PXDNL: variants seen among roughly 807,000 people sequenced by gnomAD.
The protein encoded by PXDNL is peroxidasin like, also known as probable oxidoreductase PXDNL.
A neutral mutation model predicts 150.8 loss-of-function variants in PXDNL; 145 were observed. The ratio of observed to expected loss-of-function variants is 0.96; its 90% CI spans 0.84 to 1.10. The LOEUF (loss-of-function observed/expected upper bound fraction) is 1.10, where lower values mean the gene tolerates loss of function less well. PXDNL is among the 50% of genes least tolerant of loss of function. PXDNL has a pLI of 0.00. For synonymous variants in PXDNL, 757 were observed against 725.7 expected (o/e 1.04, Z -0.69); for missense variants, 2,087 against 1,873.9 (o/e 1.11, Z -2.10).
intron 19 of PXDNL, among the ~76,000 whole-genome samples, chr8:51,362,405 C>G (rs894686499): frequency 3.3e-5 from 5 of 152,196 alleles, no homozygotes; most frequent in African/African-American, 1.2e-4. Flanking sequence ...AACTGGCTAT[C>G]TTTAAACCTT....
chr8:51,426,465 G>C (rs1255898187), intron 13 of PXDNL, among the ~76,000 whole-genome samples, 181 bp downstream of exon 13: 3 of 151,052 alleles, frequency 2.0e-5, no homozygotes, highest in Admixed American at 2.0e-4. Context: ...AAATCAGATA[G>C]AGTCACTTAA....
chr8:51,635,159 A>G (rs1814580334), intron 2 of PXDNL, among the ~76,000 whole-genome samples: 1 of 152,118 alleles, frequency 6.6e-6, no homozygotes, highest in Non-Finnish European at 1.5e-5. Flanking sequence ...CATGAGGGAA[A>G]TTTAAAAATA....
In PXDNL at chr8:51,654,295, TC is replaced by T. The variant is rs1024999867; in HGVS notation, c.236+393del. Among the ~76,000 whole-genome samples, 51 of 152,350 alleles carry T rather than the reference TC, an allele frequency of 3.3e-4. 1 individual carries two copies. The highest frequency in any genetic ancestry group is 1.1e-3 in the African/African-American group (46 of 41,590). On this transcript the variant is annotated intron_variant, in intron 2 of 22. Transcript: ENST00000356297. ...TAAAGCTATTCTTTGTTTTAGAGTATCACAAATAAGAAGGCCTAGTAGCATA... is the reference window on the plus strand; with the variant it reads ...TAAAGCTATTCTTTGTTTTAGAGTATACAAATAAGAAGGCCTAGTAGCATA...
chr8:51,711,401 G>A (rs1385271567), intron 1 of PXDNL, among the ~76,000 whole-genome samples: 1 of 152,178 alleles, frequency 6.6e-6, no homozygotes, highest in Non-Finnish European at 1.5e-5. Context: ...GCCTCCCTAA[G>A]TGTTGGGATT....
intron 1 of PXDNL, among the ~76,000 whole-genome samples, chr8:51,754,898 T>A (rs553441399): frequency 2.0e-5 from 3 of 152,252 alleles, no homozygotes; most frequent in Non-Finnish European, 2.9e-5. Flanking sequence ...AAAAAAAAAA[T>A]ATTTTTTAGA....
chr8:51,789,204 T>C (rs1563321826), intron 1 of PXDNL, among the ~76,000 whole-genome samples: 2 of 152,064 alleles, frequency 1.3e-5, no homozygotes, highest in African/African-American at 2.4e-5. Context: ...CCATTTTTTT[T>C]TTTTTTGCTG....
intron 1 of PXDNL, among the ~76,000 whole-genome samples, chr8:51,789,628 T>A (rs2037492436): frequency 6.6e-6 from 1 of 152,202 alleles, no homozygotes; most frequent in African/African-American, 2.4e-5. Flanking sequence ...GACAATCACA[T>A]CACAATAAAT....
At chr8:51,693,443 T>G (rs554148410) in intron 1 of PXDNL, among the ~76,000 whole-genome samples, 1 of 152,344 alleles carries the variant, frequency 6.6e-6, no homozygotes, top group South Asian at 2.1e-4. Flanking sequence ...AGACTGAGTT[T>G]AAGTTTCTTG....
At chr8:51,707,196 G>A (rs1240297092) in intron 1 of PXDNL, among the ~76,000 whole-genome samples, 1 of 152,078 alleles carries the variant, frequency 6.6e-6, no homozygotes, top group African/African-American at 2.4e-5. Context: ...TCTGTCCAGT[G>A]GAATAAATAA....
At chr8:51,695,246 A>G (rs1411135126) in intron 1 of PXDNL, among the ~76,000 whole-genome samples, 1 of 152,202 alleles carries the variant, frequency 6.6e-6, no homozygotes, top group Non-Finnish European at 1.5e-5. Flanking sequence ...AGAATGAAAG[A>G]AAAGGTGAAA....
At chr8:51,491,291 C>T (rs1473072702) in intron 5 of PXDNL, among the ~76,000 whole-genome samples, 1 of 151,958 alleles carries the variant, frequency 6.6e-6, no homozygotes, top group African/African-American at 2.4e-5. Flanking sequence ...TAATTCTGTC[C>T]CTCTAGAGAA....
chr8:51,325,342 A>T (rs1358361909), intron 21 of PXDNL, among the ~76,000 whole-genome samples: 3 of 152,168 alleles, frequency 2.0e-5, no homozygotes, highest in Non-Finnish European at 4.4e-5. Flanking sequence ...TTTCCTCTGA[A>T]ACTGCTCTGG....
intron 5 of PXDNL, among the ~76,000 whole-genome samples, chr8:51,491,343 T>C (rs1374462141): frequency 3.9e-5 from 6 of 152,102 alleles, no homozygotes; most frequent in South Asian, 2.1e-4. Flanking sequence ...AACCAAAGAA[T>C]ATAAAAGAGA....
At chr8:51,562,969 G>A (rs922384639) in intron 3 of PXDNL, among the ~76,000 whole-genome samples, 1 of 151,938 alleles carries the variant, frequency 6.6e-6, no homozygotes, top group African/African-American at 2.4e-5. Context: ...TCACAGGAGA[G>A]GTTGGTTTGC....
At position 51,720,832 on chromosome 8, in the gene PXDNL, G is replaced by A. The variant is rs1258608351; in HGVS notation, c.165-66072C>T. Reference sequence around the variant, plus strand: ...TTGCTGCCAGCTCCCCACTGGCCCTGTGCAGGCTCCTGCCTAGGCCGGTGA... The same window carrying A: ...TTGCTGCCAGCTCCCCACTGGCCCTATGCAGGCTCCTGCCTAGGCCGGTGA... On this transcript the variant is annotated intron_variant, in intron 1 of 22. Coordinates refer to ENST00000356297, the MANE Select transcript of PXDNL (RefSeq NM_144651.5). Among the ~76,000 whole-genome samples, 4 of 152,252 alleles carry A rather than the reference G, an allele frequency of 2.6e-5. 1 individual carries two copies. Among genetic ancestry groups the A allele is most frequent in the African/African-American group, 9.6e-5 (4 of 41,464 alleles).
chr8:51,475,236 C>G, intron 6 of PXDNL, 95 bp from the exon 7 acceptor site: 1 of 1,243,078 alleles, frequency 8.0e-7, no homozygotes, highest in Non-Finnish European at 1.1e-6. Context: ...CCCTGATTTA[C>G]CTTGTCTGTT....
chr8:51,636,371 T>C (rs1814602757), intron 2 of PXDNL, among the ~76,000 whole-genome samples: 1 of 152,090 alleles, frequency 6.6e-6, no homozygotes, highest in South Asian at 2.1e-4. Flanking sequence ...TAAAAAGAAA[T>C]ACAGGCATCC....
chr8:51,769,883 T>A (rs2037273149), intron 1 of PXDNL, among the ~76,000 whole-genome samples: 1 of 152,198 alleles, frequency 6.6e-6, no homozygotes, highest in Non-Finnish European at 1.5e-5. Flanking sequence ...TCAGCTCTTG[T>A]CCAGTTCAAG....
intron 1 of PXDNL, among the ~76,000 whole-genome samples, chr8:51,733,124 T>C (rs1465668291): frequency 6.6e-6 from 1 of 152,238 alleles, no homozygotes; most frequent in Non-Finnish European, 1.5e-5. Context: ...TAGTTATCTG[T>C]GGATGAGCAT....
Sources: allele counts gnomAD v4.1 joint callset (sites outside exome capture counted in the v4.1 genomes callset), GRCh38; gene constraint gnomAD v4.1.1; transcripts MANE v1.5; gene names NCBI Gene and HGNC (gene_info 2026-07-23, HGNC 2026-07-21).